The following RBMS2 variants were observed in gnomAD, a reference collection of about 807,000 sequenced individuals.
The protein encoded by RBMS2 is RNA binding motif single stranded interacting protein 2.
A neutral mutation model predicts 58.4 loss-of-function variants in RBMS2; 38 were observed. The ratio of observed to expected loss-of-function variants is 0.65; its 90% CI spans 0.50 to 0.85. The LOEUF (loss-of-function observed/expected upper bound fraction) is 0.85. RBMS2 is among the 40% of genes least tolerant of loss of function. RBMS2 has a pLI of 0.00. For synonymous variants in RBMS2, 151 were observed against 180.7 expected (o/e 0.84, Z 1.32); for missense variants, 367 against 503.7 (o/e 0.73, Z 2.60).
chr12:56,529,127 C>T lies in RBMS2; in HGVS notation c.66+7038C>T, dbSNP rs542633211. ...AACATATGTTACACAAAGACCTGTA[C>T]ATAAATGTTCATAGGAGCATTATTC... On this transcript the variant is annotated intron_variant, in intron 1 of 13. Transcript: ENST00000262031. 6.2e-4 allele frequency among the ~76,000 whole-genome samples: 94 copies of T among 152,214 alleles called. 3 individuals are homozygous for T. The highest frequency in any genetic ancestry group is 5.8e-3 in the Admixed American group (88 of 15,272).
In RBMS2 at chr12:56,594,694, G is replaced by A. The variant is rs1333180327; in HGVS notation, c.*5561G>A. On this transcript the variant is annotated 3_prime_UTR_variant, in exon 14 of 14. Transcript: ENST00000262031. ...TTCTGATTTTTGCTGCACCTCCCAG[G>A]GGACAGTCCCCACATGATTACAAAA... 1 of 152,038 alleles carries A rather than the reference G, an allele frequency of 6.6e-6. No individual in the cohort carries two copies. The highest frequency in any genetic ancestry group is 1.9e-4 in the East Asian group (1 of 5,190). 9.4% of individuals were successfully genotyped at this position (152,038 alleles called of 1,614,324 possible).
intron 1 of RBMS2, among the ~76,000 whole-genome samples, chr12:56,559,711 C>T (rs1328414457): frequency 4.7e-5 from 7 of 149,658 alleles, no homozygotes; most frequent in South Asian, 4.3e-4. Context: ...ATTAGCCAGG[C>T]GTGGTGGCGG....
In RBMS2 at chr12:56,526,320, T is replaced by TAAATA. The variant is rs566701714; in HGVS notation, c.66+4250_66+4254dup. ...AGACTCCATCTCAAAAATAAATAAA[T>TAAATA]AAATAAAATAAAATAAAATAAAACA... On this transcript the variant is annotated intron_variant, in intron 1 of 13. Coordinates refer to ENST00000262031, the MANE Select transcript of RBMS2 (RefSeq NM_002898.4). Among the ~76,000 whole-genome samples the TAAATA allele has an allele frequency of 7.4e-3, 1,125 of 151,524 alleles. 17 individuals are homozygous for TAAATA. The highest frequency in any genetic ancestry group is 0.025 in the African/African-American group (1,012 of 41,294).
chr12:56,532,180 T>G (rs1342547983), intron 1 of RBMS2, among the ~76,000 whole-genome samples: 1 of 151,954 alleles, frequency 6.6e-6, no homozygotes, highest in Non-Finnish European at 1.5e-5. Flanking sequence ...GATCGTGCCG[T>G]TGTACTCCAG....
At chr12:56,583,515 A>G (rs1244991856) in intron 9 of RBMS2, among the ~76,000 whole-genome samples, 1 of 152,152 alleles carries the variant, frequency 6.6e-6, no homozygotes, top group Non-Finnish European at 1.5e-5. Context: ...TTAGCTGGGC[A>G]TGGTGGCGGG....
intron 1 of RBMS2, among the ~76,000 whole-genome samples, chr12:56,548,664 G>A (rs954843235): frequency 6.6e-6 from 1 of 152,142 alleles, no homozygotes; most frequent in Non-Finnish European, 1.5e-5. Context: ...ATGTATTGTG[G>A]ATCATCCACA....
At chr12:56,523,025 C>T (rs1044553980) in intron 1 of RBMS2, among the ~76,000 whole-genome samples, 4 of 152,134 alleles carry the variant, frequency 2.6e-5, no homozygotes, top group African/African-American at 9.7e-5. Flanking sequence ...GGGTGAGGAA[C>T]GATTCCTGCT....
Position 56,525,987 on chromosome 12 carries a change from T to C in RBMS2, c.66+3898T>C, listed in dbSNP as rs193289297. Among the ~76,000 whole-genome samples the C allele has an allele frequency of 1.2e-3, 177 of 152,134 alleles. 1 individual carries two copies. The highest frequency in any genetic ancestry group is 3.2e-3 in the African/African-American group (131 of 41,546). On this transcript the variant is annotated intron_variant, in intron 1 of 13. Transcript: ENST00000262031. The stretch of plus-strand genomic sequence containing the variant: ...CTATATATAACTTTTATATAAAAGT[T>C]ACTGTTTCTTACTGAAACTAATGAA...
intron 11 of RBMS2, 145 bp downstream of exon 11, chr12:56,587,809 A>G (rs1884881052): frequency 1.6e-6 from 2 of 1,239,862 alleles, no homozygotes; most frequent in South Asian, 1.6e-5. Context: ...ATAAACTACA[A>G]TGGTAGTGCT....
intron 1 of RBMS2, among the ~76,000 whole-genome samples, chr12:56,558,007 G>T (rs534217584): frequency 2.8e-5 from 4 of 140,358 alleles, no homozygotes; most frequent in Non-Finnish European, 6.1e-5. Context: ...CCAAAGTACT[G>T]GGATTACAGG....
chr12:56,580,916 T>TA (rs1883855106), intron 5 of RBMS2, among the ~76,000 whole-genome samples: 1 of 152,228 alleles, frequency 6.6e-6, no homozygotes, highest in Admixed American at 6.5e-5. Context: ...ATATGGCAGA[T>TA]ACAAGAGAGG....
chr12:56,586,757 CA>C (rs1179351296), intron 9 of RBMS2, 91 bp from the exon 10 acceptor site: 1 of 1,104,354 alleles, frequency 9.1e-7, no homozygotes. Flanking sequence ...GTGGGGCATT[CA>C]AACTTTTCTG....
At chr12:56,568,355 A>G (rs1424536595) in intron 2 of RBMS2, among the ~76,000 whole-genome samples, 1 of 152,174 alleles carries the variant, frequency 6.6e-6, no homozygotes, top group Non-Finnish European at 1.5e-5. Context: ...TCGTGTGGAC[A>G]TTGCCAAGCT....
At chr12:56,536,561 CTT>C (rs1217193041) in intron 1 of RBMS2, among the ~76,000 whole-genome samples, 1 of 146,326 alleles carries the variant, frequency 6.8e-6, no homozygotes. Flanking sequence ...CTCCTTCTTT[CTT>C]TTTTTTTTTT....
intron 10 of RBMS2, among the ~76,000 whole-genome samples, chr12:56,587,263 G>A (rs1032949084): frequency 7.4e-5 from 11 of 149,308 alleles, no homozygotes; most frequent in East Asian, 3.9e-4. Flanking sequence ...GTGAAACTCC[G>A]TCTCAAAAAA....
chr12:56,578,829 G>A (rs1883504703), intron 5 of RBMS2, among the ~76,000 whole-genome samples: 1 of 152,150 alleles, frequency 6.6e-6, no homozygotes, highest in Non-Finnish European at 1.5e-5. Flanking sequence ...GCCAGGCGTG[G>A]TGGCTCATGC....
At chr12:56,561,131 TA>T (rs1880312118) in intron 1 of RBMS2, among the ~76,000 whole-genome samples, 1 of 152,202 alleles carries the variant, frequency 6.6e-6, no homozygotes, top group Non-Finnish European at 1.5e-5. Context: ...ATTCCATGTG[TA>T]TATGTACAAT....
rs372900136 is a variant in RBMS2, at chr12:56,588,419, C to T, written c.1143+45C>T. On this transcript the variant is annotated intron_variant, in intron 12 of 13. Coordinates refer to ENST00000262031, the MANE Select transcript of RBMS2 (RefSeq NM_002898.4). The stretch of plus-strand genomic sequence containing the variant: ...TTTGGATTGAGATTAGGAAAATGAA[C>T]GGAGGCAGGTTTCCCCCTGATCAAG... 9.6e-5 allele frequency: 146 copies of T among 1,528,048 alleles called. No homozygotes were observed. In the East Asian group the frequency reaches 1.3e-3, roughly 14 times the overall value. The allele number at this position is 1,528,048 out of a possible 1,614,324, so 94.7% of individuals were successfully genotyped here.
At chr12:56,533,393 C>T (rs1338898738) in intron 1 of RBMS2, among the ~76,000 whole-genome samples, 1 of 148,180 alleles carries the variant, frequency 6.7e-6, no homozygotes, top group African/African-American at 2.5e-5. Flanking sequence ...TGAGCCGCGG[C>T]ACCCAGCCCT....
Sources: gnomAD v4.1 joint callset for allele counts (sites outside exome capture counted in the v4.1 genomes callset) on GRCh38, gnomAD v4.1.1 for gene constraint, MANE v1.5 for transcripts, NCBI Gene and HGNC (gene_info 2026-07-23, HGNC 2026-07-21) for gene names.